Variants in FANCC observed in about 807,000 individuals in gnomAD.
FANCC encodes the protein FA complementation group C.
Under a neutral mutation model 71.3 loss-of-function variants are expected in FANCC, and 55 were observed. That is an observed-to-expected ratio of 0.77 (90% CI 0.62 to 0.97). The LOEUF (loss-of-function observed/expected upper bound fraction) is 0.97. Ranked by LOEUF, FANCC falls within the 50% of genes least tolerant of loss-of-function variation. The pLI is 0.00. For synonymous variants in FANCC, 275 were observed against 244.9 expected (o/e 1.12, Z -1.15); for missense variants, 678 against 670.9 (o/e 1.01, Z -0.12).
At chr9:95,258,870 AT>A (rs1245970311) in intron 1 of FANCC, among the ~76,000 whole-genome samples, 1 of 152,224 alleles carries the variant, frequency 6.6e-6, no homozygotes, top group South Asian at 2.1e-4. Context: ...ATGTGCAAAA[AT>A]CACAAGCATT....
At chr9:95,312,020 G>A (rs1377950750) in intron 1 of FANCC, among the ~76,000 whole-genome samples, 2 of 152,120 alleles carry the variant, frequency 1.3e-5, no homozygotes, top group Non-Finnish European at 2.9e-5. Flanking sequence ...GTCGACCACA[G>A]TTCTAATCCT....
At chr9:95,133,625 A>G (rs947912656) in intron 8 of FANCC, among the ~76,000 whole-genome samples, 6 of 152,242 alleles carry the variant, frequency 3.9e-5, no homozygotes, top group African/African-American at 1.4e-4. Flanking sequence ...TTCAGGGAAG[A>G]ATCCAAGGAT....
At chr9:95,185,019 T>TA (rs1174798962) in intron 4 of FANCC, among the ~76,000 whole-genome samples, 1 of 152,258 alleles carries the variant, frequency 6.6e-6, no homozygotes, top group Non-Finnish European at 1.5e-5. Flanking sequence ...TGATAACTCT[T>TA]AAAATCTGAA....
chr9:95,291,994 T>TATATATA, intron 1 of FANCC, among the ~76,000 whole-genome samples: 1 of 87,096 alleles, frequency 1.1e-5, no homozygotes, highest in East Asian at 3.7e-4. Context: ...ATATATATAT[T>TATATATA]AAGACCCCAA....
At chr9:95,263,408 T>C (rs961578772) in intron 1 of FANCC, among the ~76,000 whole-genome samples, 1 of 152,002 alleles carries the variant, frequency 6.6e-6, no homozygotes, top group Non-Finnish European at 1.5e-5. Flanking sequence ...ATTTCAAATG[T>C]TTTGTTCTCA....
chr9:95,129,315 C>T (rs1251135474), intron 8 of FANCC, among the ~76,000 whole-genome samples: 1 of 152,164 alleles, frequency 6.6e-6, no homozygotes, highest in Non-Finnish European at 1.5e-5. Context: ...AGGCATATGT[C>T]CCAGCGACAT....
chr9:95,252,784 T>C (rs1256069537), intron 1 of FANCC, among the ~76,000 whole-genome samples: 1 of 146,494 alleles, frequency 6.8e-6, no homozygotes, highest in Non-Finnish European at 1.5e-5. Flanking sequence ...GAACAGTGGC[T>C]CATGCCTGTA....
At chr9:95,239,035 T>C (rs915854894) in intron 4 of FANCC, among the ~76,000 whole-genome samples, 10 of 152,156 alleles carry the variant, frequency 6.6e-5, no homozygotes, top group Non-Finnish European at 1.5e-4. Flanking sequence ...CTGAATACGT[T>C]TGCTTTCTCA....
At chr9:95,171,950 G>T in intron 5 of FANCC, 87 bp downstream of exon 5, 1 of 838,098 alleles carries the variant, frequency 1.2e-6, no homozygotes, top group Admixed American at 1.9e-5. Flanking sequence ...ATCTCTTCTG[G>T]AGGACTGAAA....
chr9:95,185,222 T>C lies in FANCC; in HGVS notation c.346-13075A>G, dbSNP rs4647480. Among the ~76,000 whole-genome samples the C allele has an allele frequency of 4.1e-3, 619 of 152,274 alleles. 4 individuals are homozygous for C. The highest frequency in any genetic ancestry group is 0.014 in the African/African-American group (578 of 41,546). On this transcript the variant is annotated intron_variant, in intron 4 of 14. Transcript: ENST00000289081. ...TTACAAATTAAGAATTAAAAGATAT[T>C]CCAACATGCAAATAGCACTCTTCAT...
intron 4 of FANCC, among the ~76,000 whole-genome samples, chr9:95,196,051 T>C (rs1189541810): frequency 1.3e-5 from 2 of 152,222 alleles, no homozygotes; most frequent in Non-Finnish European, 2.9e-5. Context: ...TAAACGATTA[T>C]ATCATTTGCA....
At chr9:95,182,259 G>A (rs572562481) in intron 4 of FANCC, among the ~76,000 whole-genome samples, 2 of 150,966 alleles carry the variant, frequency 1.3e-5, no homozygotes, top group South Asian at 4.2e-4. Flanking sequence ...GGTGGCTCAC[G>A]CCTGTAATCC....
chr9:95,253,354 G>A (rs1358937633), intron 1 of FANCC, among the ~76,000 whole-genome samples: 3 of 152,128 alleles, frequency 2.0e-5, no homozygotes, highest in Non-Finnish European at 4.4e-5. Context: ...AGTCTTGACA[G>A]GTAGAACTCA....
chr9:95,155,567 G>C (rs1267094243), intron 6 of FANCC, among the ~76,000 whole-genome samples: 10 of 151,760 alleles, frequency 6.6e-5, no homozygotes, highest in East Asian at 3.9e-4. Context: ...TGATTCTACT[G>C]GTCTCTTTTC....
At chr9:95,173,005 C>A (rs149498415) in intron 4 of FANCC, among the ~76,000 whole-genome samples, 4 of 152,042 alleles carry the variant, frequency 2.6e-5, no homozygotes, top group Admixed American at 6.6e-5. Context: ...ACAAAATATA[C>A]GACAAACACT....
intron 6 of FANCC, among the ~76,000 whole-genome samples, chr9:95,167,801 G>A (rs1042168846): frequency 2.0e-5 from 3 of 152,142 alleles, no homozygotes; most frequent in African/African-American, 7.2e-5. Flanking sequence ...GTCAGGTAAT[G>A]CATAGATCTC....
chr9:95,163,119 A>G (rs1023758112), intron 6 of FANCC, among the ~76,000 whole-genome samples: 1 of 152,194 alleles, frequency 6.6e-6, no homozygotes, highest in Admixed American at 6.5e-5. Flanking sequence ...ATATATAATG[A>G]AAGGTAAGGG....
chr9:95,316,297 AG>A (rs1365233616), intron 1 of FANCC, among the ~76,000 whole-genome samples: 2 of 152,244 alleles, frequency 1.3e-5, no homozygotes, highest in Non-Finnish European at 2.9e-5. Context: ...ACTCTGGTAC[AG>A]CACATAACAT....
chr9:95,221,480 A>C (rs1829265929), intron 4 of FANCC, among the ~76,000 whole-genome samples: 1 of 152,194 alleles, frequency 6.6e-6, no homozygotes, highest in Non-Finnish European at 1.5e-5. Context: ...TAATAGAAAA[A>C]AATGCATGAA....
Sources: gnomAD v4.1 joint callset for allele counts (sites outside exome capture counted in the v4.1 genomes callset) on GRCh38, gnomAD v4.1.1 for gene constraint, MANE v1.5 for transcripts, NCBI Gene and HGNC (gene_info 2026-07-23, HGNC 2026-07-21) for gene names.